CASZ1: variants seen among roughly 807,000 people sequenced by gnomAD.
The protein encoded by CASZ1 is zinc finger protein castor homolog 1.
Under a neutral mutation model 135.2 loss-of-function variants are expected in CASZ1, and 28 were observed. The ratio of observed to expected loss-of-function variants is 0.21; its 90% CI spans 0.15 to 0.28. The LOEUF is 0.28. Ranked by LOEUF, CASZ1 falls within the 10% of genes least tolerant of loss-of-function variation. The pLI is 1.00. For missense variants in CASZ1, 2,161 were observed against 2,453.3 expected, an observed-to-expected ratio of 0.88 and a Z score of 2.52; for synonymous variants, 1,068 against 1,073.4, an observed-to-expected ratio of 0.99 and a Z score of 0.10.
chr1:10,751,382 C>T (rs1326012496), intron 2 of CASZ1, among the ~76,000 whole-genome samples: 2 of 152,140 alleles, frequency 1.3e-5, no homozygotes, highest in East Asian at 1.9e-4. Context: ...GGGCCAGAAG[C>T]CGACTTCTGG....
intron 4 of CASZ1, among the ~76,000 whole-genome samples, chr1:10,678,238 C>T (rs1012126640): frequency 7.9e-5 from 12 of 152,340 alleles, no homozygotes; most frequent in African/African-American, 2.4e-4. Flanking sequence ...CTGAGGCCAG[C>T]GACGGCGACC....
At chr1:10,673,328 T>C (rs1278822976) in intron 4 of CASZ1, among the ~76,000 whole-genome samples, 1 of 152,238 alleles carries the variant, frequency 6.6e-6, no homozygotes, top group Non-Finnish European at 1.5e-5. Context: ...CTTTCCCTTT[T>C]TTATGACATG....
At chr1:10,786,364 C>A (rs1046001702) in intron 1 of CASZ1, among the ~76,000 whole-genome samples, 16 of 152,220 alleles carry the variant, frequency 1.1e-4, no homozygotes, top group African/African-American at 3.6e-4. Context: ...GCAGCAAAAA[C>A]ACCAGGAGGA....
chr1:10,645,239 A>C (rs2124670764), intron 17 of CASZ1, 151 bp from the exon 18 acceptor site: 1 of 732,116 alleles, frequency 1.4e-6, no homozygotes, highest in South Asian at 1.9e-5. Flanking sequence ...CATGTTAAAA[A>C]GCAGCGCAGG....
At chr1:10,785,707 T>G (rs1376120863) in intron 1 of CASZ1, among the ~76,000 whole-genome samples, 1 of 152,246 alleles carries the variant, frequency 6.6e-6, no homozygotes, top group Non-Finnish European at 1.5e-5. Flanking sequence ...ACAACCGTTG[T>G]CCTCTGCCCC....
In CASZ1 at chr1:10,746,095, G is replaced by A. The variant is rs954979572; in HGVS notation, c.-77+14606C>T. Reference sequence around the variant, plus strand: ...AGAGTCAACAGATGACCTGCCTGTCGTCATCATAGAGTGGCCTCGAGGCAG... The same window carrying A: ...AGAGTCAACAGATGACCTGCCTGTCATCATCATAGAGTGGCCTCGAGGCAG... On this transcript the variant is annotated intron_variant, in intron 2 of 20. Coordinates refer to ENST00000377022, the MANE Select transcript of CASZ1 (RefSeq NM_001079843.3). Among the ~76,000 whole-genome samples the A allele has an allele frequency of 1.2e-4, 19 of 152,354 alleles. No homozygotes were observed. In the South Asian group the frequency reaches 2.3e-3, roughly 18 times the overall value.
intron 2 of CASZ1, among the ~76,000 whole-genome samples, chr1:10,736,089 C>T (rs950881332): frequency 2.0e-5 from 3 of 152,190 alleles, no homozygotes; most frequent in Non-Finnish European, 2.9e-5. Context: ...CACACCCAAC[C>T]CCACCCACCT....
chr1:10,677,797 C>A lies in CASZ1; in HGVS notation c.17-12226G>T, dbSNP rs563768052. ...TGGAGATTGCACCAGGCCCCTCGGG[C>A]CCCAAATACCACAAAGGCCCCCTGC... On this transcript the variant is annotated intron_variant, in intron 4 of 20. Coordinates refer to ENST00000377022, the MANE Select transcript of CASZ1 (RefSeq NM_001079843.3). Among the ~76,000 whole-genome samples, 10 of 152,352 alleles carry A rather than the reference C, an allele frequency of 6.6e-5. No individual in the cohort carries two copies. In the East Asian group the frequency reaches 1.7e-3, roughly 26 times the overall value.
chr1:10,785,792 A>T (rs1457703848), intron 1 of CASZ1, among the ~76,000 whole-genome samples: 2 of 152,246 alleles, frequency 1.3e-5, no homozygotes, highest in African/African-American at 4.8e-5. Context: ...CGGCTGCTTC[A>T]TCCTCCTCCT....
intron 1 of CASZ1, among the ~76,000 whole-genome samples, chr1:10,791,046 A>G (rs1030872806): frequency 6.6e-6 from 1 of 151,550 alleles, no homozygotes; most frequent in African/African-American, 2.4e-5. Flanking sequence ...TGTGCCATCT[A>G]TATAATTTTA....
At chr1:10,691,145 C>G (rs1336149978) in intron 4 of CASZ1, among the ~76,000 whole-genome samples, 1 of 142,440 alleles carries the variant, frequency 7.0e-6, no homozygotes, top group Non-Finnish European at 1.5e-5. Context: ...TATTCCCAAA[C>G]TCTCCTAATC....
rs976780291 is a variant in CASZ1, at chr1:10,759,716, G to T, written c.-77+985C>A. ...GCTGAGCCCAGCCCCAGAGGGAGGG[G>T]CAGGACACACCTGCCCAGAGTGACC... On this transcript the variant is annotated intron_variant, in intron 2 of 20. Transcript: ENST00000377022. This position sits in a 1 kb window ranked among gnomAD's most constrained non-coding sequence, Gnocchi z 4.2. Among the ~76,000 whole-genome samples, 2 of 152,152 alleles carry T rather than the reference G, an allele frequency of 1.3e-5. No individual in the cohort carries two copies. The highest frequency in any genetic ancestry group is 4.8e-5 in the African/African-American group (2 of 41,416).
At chr1:10,678,846 G>T (rs1384169035) in intron 4 of CASZ1, among the ~76,000 whole-genome samples, 1 of 151,702 alleles carries the variant, frequency 6.6e-6, no homozygotes, top group African/African-American at 2.4e-5. Flanking sequence ...CAGCTAGCTT[G>T]CTTAATTACT....
intron 5 of CASZ1, among the ~76,000 whole-genome samples, chr1:10,664,711 C>T (rs529878396): frequency 4.6e-5 from 7 of 152,196 alleles, no homozygotes; most frequent in Admixed American, 6.5e-5. Flanking sequence ...GTACTGTGCC[C>T]GGTAAGCTCA....
Position 10,700,092 on chromosome 1 carries a change from C to CACACACACACACACAT in CASZ1, c.-24+5399_-24+5400insATGTGTGTGTGTGTGT, listed in dbSNP as rs1480829289. On this transcript the variant is annotated intron_variant, in intron 3 of 20. Coordinates refer to ENST00000377022, the MANE Select transcript of CASZ1 (RefSeq NM_001079843.3). The surrounding 1 kb of genome is among the most constrained non-coding windows in gnomAD (Gnocchi z 4.2). ...AAAGAGAGATAGAGACACACACACA[C>CACACACACACACACAT]ACACACACACACACACACACACACA... is the stretch of plus-strand genomic sequence containing the variant. 6.6e-6 allele frequency among the ~76,000 whole-genome samples: 1 copy of CACACACACACACACAT among 151,432 alleles called. No homozygotes were observed. The highest frequency in any genetic ancestry group is 1.5e-5 in the Non-Finnish European group (1 of 67,768).
Position 10,666,044 on chromosome 1 carries a change from C to T in CASZ1, c.17-473G>A, listed in dbSNP as rs539608188. On this transcript the variant is annotated intron_variant, in intron 4 of 20. Transcript: ENST00000377022. The surrounding 1 kb of genome is among the most constrained non-coding windows in gnomAD (Gnocchi z 5.2). ...GCTTGTTCCGCTTGGGAGCGTCCTG[C>T]CTTACCACACGTTCCTGGGGAGGAG... 2.0e-5 allele frequency among the ~76,000 whole-genome samples: 3 copies of T among 152,252 alleles called. No individual in the cohort carries two copies. In the South Asian group the frequency reaches 6.2e-4, roughly 32 times the overall value.
chr1:10,768,188 G>A (rs1044438912), intron 1 of CASZ1, among the ~76,000 whole-genome samples: 5 of 152,036 alleles, frequency 3.3e-5, no homozygotes, highest in African/African-American at 1.2e-4. Flanking sequence ...CTCAGGGCAG[G>A]GTGGGTCATT....
At chr1:10,693,724 C>A in intron 4 of CASZ1, 150 bp downstream of exon 4, 1 of 764,608 alleles carries the variant, frequency 1.3e-6, no homozygotes. Context: ...AGTCGCCGAT[C>A]CCGAGGCCGG....
intron 1 of CASZ1, among the ~76,000 whole-genome samples, chr1:10,784,829 G>A (rs1339024599): frequency 2.6e-5 from 4 of 152,162 alleles, no homozygotes; most frequent in African/African-American, 7.2e-5. Flanking sequence ...GCCTCCCAAA[G>A]TGCTGGTATT....
Sources: allele counts gnomAD v4.1 joint callset (sites outside exome capture counted in the v4.1 genomes callset), GRCh38; gene constraint gnomAD v4.1.1; non-coding constraint Gnocchi (gnomAD v3.1); transcripts MANE v1.5; gene names NCBI Gene and HGNC (gene_info 2026-07-23, HGNC 2026-07-21).